NCKAP5: variants seen among roughly 807,000 people sequenced by gnomAD.
NCKAP5 encodes the protein NCK associated protein 5.
Under a neutral mutation model 167.0 loss-of-function variants are expected in NCKAP5, and 92 were observed. The ratio of observed to expected loss-of-function variants is 0.55; its 90% CI spans 0.47 to 0.66. The LOEUF (loss-of-function observed/expected upper bound fraction) is 0.66, where lower values mean the gene tolerates loss of function less well. Among genes scored for constraint, NCKAP5 ranks in the 30% least tolerant of loss-of-function variants. The pLI, the probability that NCKAP5 is intolerant of heterozygous loss-of-function variation, is 0.00. For missense variants in NCKAP5, 2,378 were observed against 2,315.0 expected, an observed-to-expected ratio of 1.03 and a Z score of -0.56; for synonymous variants, 891 against 877.4, an observed-to-expected ratio of 1.02 and a Z score of -0.27.
chr2:133,257,076 C>G (rs2088655557), intron 4 of NCKAP5, among the ~76,000 whole-genome samples: 1 of 152,154 alleles, frequency 6.6e-6, no homozygotes, highest in African/African-American at 2.4e-5. Flanking sequence ...ATTCAGGAAT[C>G]AATACGAACT....
At chr2:132,846,049 C>CTT (rs1574404638) in intron 11 of NCKAP5, among the ~76,000 whole-genome samples, 1 of 151,978 alleles carries the variant, frequency 6.6e-6, no homozygotes, top group East Asian at 1.9e-4. Context: ...TGAATGAAAT[C>CTT]TTTTCTCAAT....
intron 6 of NCKAP5, among the ~76,000 whole-genome samples, chr2:133,021,372 G>A (rs2078521997): frequency 6.6e-6 from 1 of 152,172 alleles, no homozygotes; most frequent in Non-Finnish European, 1.5e-5. Flanking sequence ...TTAGCAGGGG[G>A]AGTGGAATGG....
chr2:133,053,228 T>C (rs1488694704), intron 6 of NCKAP5, among the ~76,000 whole-genome samples: 6 of 152,144 alleles, frequency 3.9e-5, no homozygotes, highest in Admixed American at 3.3e-4. Context: ...CTAACAACCA[T>C]TCCTCCAATA....
At chr2:133,024,190 C>A (rs965636360) in intron 6 of NCKAP5, among the ~76,000 whole-genome samples, 3 of 152,130 alleles carry the variant, frequency 2.0e-5, no homozygotes, top group African/African-American at 7.2e-5. Flanking sequence ...AAAGAAAATT[C>A]AAAGGATACT....
chr2:133,540,513 A>C (rs751586581), intron 2 of NCKAP5, among the ~76,000 whole-genome samples: 48 of 152,228 alleles, frequency 3.2e-4, no homozygotes, highest in Admixed American at 7.9e-4. Flanking sequence ...TTCCCCAGAC[A>C]CTCACTAAAA....
At chr2:133,449,829 CTT>C (rs549983532) in intron 3 of NCKAP5, among the ~76,000 whole-genome samples, 1 of 145,940 alleles carries the variant, frequency 6.9e-6, no homozygotes. Context: ...CAGTTTCCAG[CTT>C]TTTTTTTTTC....
chr2:133,309,487 G>T (rs953304642), intron 3 of NCKAP5, among the ~76,000 whole-genome samples: 7 of 152,110 alleles, frequency 4.6e-5, no homozygotes, highest in Non-Finnish European at 5.9e-5. Context: ...AAGGTGGGGG[G>T]CACCAAGTTA....
chr2:132,816,261 C>T (rs1686261132), intron 11 of NCKAP5, among the ~76,000 whole-genome samples: 1 of 152,052 alleles, frequency 6.6e-6, no homozygotes, highest in African/African-American at 2.4e-5. Flanking sequence ...ACTGAAGAAT[C>T]ACCCTTTCGG....
chr2:133,165,755 G>C (rs1376072437), intron 5 of NCKAP5, among the ~76,000 whole-genome samples: 1 of 152,102 alleles, frequency 6.6e-6, no homozygotes, highest in Non-Finnish European at 1.5e-5. Context: ...AGATACCCAG[G>C]TCATTTGCTG....
intron 3 of NCKAP5, among the ~76,000 whole-genome samples, chr2:133,369,069 G>T (rs1008591355): frequency 1.3e-5 from 2 of 151,500 alleles, no homozygotes; most frequent in Non-Finnish European, 2.9e-5. Flanking sequence ...GACAGGTGGA[G>T]TAGGCACAGT....
At position 133,286,816 on chromosome 2, in the gene NCKAP5, T is replaced by C. The variant is rs1368182030; in HGVS notation, c.143+16221A>G. Among the ~76,000 whole-genome samples the C allele has an allele frequency of 2.0e-5, 3 of 150,780 alleles. No individual in the cohort carries two copies. In the East Asian group the frequency reaches 5.8e-4, roughly 29 times the overall value. ...GCAGTAAAGACTGCGAAAAAAAACATGAAAAACTGTCTTTAGATAAATCCT... is the reference window on the plus strand; with the variant it reads ...GCAGTAAAGACTGCGAAAAAAAACACGAAAAACTGTCTTTAGATAAATCCT... On this transcript the variant is annotated intron_variant, in intron 4 of 19. Transcript: ENST00000409261.
At chr2:132,695,239 C>T (rs1412118902) in intron 19 of NCKAP5, among the ~76,000 whole-genome samples, 1 of 151,608 alleles carries the variant, frequency 6.6e-6, no homozygotes, top group Non-Finnish European at 1.5e-5. Context: ...CCATGTCTGT[C>T]AAATCTATGC....
chr2:133,130,170 T>C, intron 5 of NCKAP5, 59 bp from the exon 6 acceptor site: 1 of 1,549,322 alleles, frequency 6.5e-7, no homozygotes, highest in Non-Finnish European at 8.7e-7. Context: ...AAATAAGAAA[T>C]AGCTGGTTAT....
chr2:133,275,084 G>GA (rs936796984), intron 4 of NCKAP5, among the ~76,000 whole-genome samples: 11 of 149,788 alleles, frequency 7.3e-5, no homozygotes, highest in Admixed American at 1.3e-4. Context: ...GGGAAAAAGT[G>GA]AAAAAAAAAG....
the NCKAP5 span, among the ~76,000 whole-genome samples, chr2:133,656,117 C>T: frequency 6.6e-6 from 1 of 152,104 alleles, no homozygotes; most frequent in Non-Finnish European, 1.5e-5. Flanking sequence ...AAAAAGAGAG[C>T]ACATTAAAAG....
At chr2:132,753,335 GC>G (rs1463411754) in intron 16 of NCKAP5, among the ~76,000 whole-genome samples, 1 of 152,130 alleles carries the variant, frequency 6.6e-6, no homozygotes, top group African/African-American at 2.4e-5. Flanking sequence ...CCCACCTCAA[GC>G]TTGAAGAGAC....
chr2:133,034,558 C>G (rs2078981423), intron 6 of NCKAP5, among the ~76,000 whole-genome samples: 1 of 151,958 alleles, frequency 6.6e-6, no homozygotes, highest in Non-Finnish European at 1.5e-5. Flanking sequence ...ATAACTATAA[C>G]ACATTTTCAG....
chr2:132,885,237 T>C (rs758769511), intron 8 of NCKAP5, among the ~76,000 whole-genome samples: 18 of 150,814 alleles, frequency 1.2e-4, no homozygotes, highest in Non-Finnish European at 4.4e-5. Context: ...CTTAACTAAA[T>C]GTGATTTAAA....
intron 19 of NCKAP5, among the ~76,000 whole-genome samples, chr2:132,701,310 C>T (rs1687865049): frequency 6.6e-6 from 1 of 151,940 alleles, no homozygotes; most frequent in South Asian, 2.1e-4. Flanking sequence ...CCATCTGGGC[C>T]CATTACACAC....
Sources: gnomAD v4.1 joint callset for allele counts (sites outside exome capture counted in the v4.1 genomes callset) on GRCh38, gnomAD v4.1.1 for gene constraint, MANE v1.5 for transcripts, NCBI Gene and HGNC (gene_info 2026-07-23, HGNC 2026-07-21) for gene names.